Variants in ZFYVE28 observed in about 807,000 individuals in gnomAD.
The protein encoded by ZFYVE28 is lateral signaling target protein 2 homolog.
Under a neutral mutation model 82.1 loss-of-function variants are expected in ZFYVE28, and 40 were observed. The ratio of observed to expected loss-of-function variants is 0.49; its 90% confidence interval spans 0.38 to 0.63. ZFYVE28 has a LOEUF of 0.63. Among genes scored for constraint, ZFYVE28 ranks in the 30% least tolerant of loss-of-function variants. The pLI, the probability that ZFYVE28 is intolerant of heterozygous loss-of-function variation, is 0.00. For synonymous variants in ZFYVE28, 612 were observed against 546.1 expected (o/e 1.12, Z -1.68); for missense variants, 1,321 against 1,242.1 (o/e 1.06, Z -0.96).
chr4:2,400,068 C>T (rs1320690268), intron 1 of ZFYVE28, among the ~76,000 whole-genome samples: 1 of 152,234 alleles, frequency 6.6e-6, no homozygotes, highest in Admixed American at 6.5e-5. Flanking sequence ...AGGGTCCTTC[C>T]CCGGAGCTCC....
intron 1 of ZFYVE28, among the ~76,000 whole-genome samples, chr4:2,366,953 T>C (rs925735408): frequency 1.3e-5 from 2 of 152,234 alleles, no homozygotes; most frequent in Non-Finnish European, 2.9e-5. Context: ...GGGAGATAAT[T>C]GCAAATCTAG....
chr4:2,312,726 C>CAAAAAA (rs1170479977), intron 7 of ZFYVE28, among the ~76,000 whole-genome samples: 7 of 64,928 alleles, frequency 1.1e-4, no homozygotes, highest in African/African-American at 1.3e-4. Context: ...GACTCTGCCT[C>CAAAAAA]AAAAAAAAAA....
chr4:2,299,459 A>G (rs1715151346), intron 8 of ZFYVE28, among the ~76,000 whole-genome samples: 1 of 150,158 alleles, frequency 6.7e-6, no homozygotes, highest in East Asian at 2.0e-4. Context: ...CCAATTCTAA[A>G]GAAATAATCC....
chr4:2,328,897 A>C (rs894266794), intron 6 of ZFYVE28: 2 of 404,428 alleles, frequency 4.9e-6, no homozygotes, highest in Non-Finnish European at 8.8e-6. Context: ...TTCCTTATTG[A>C]ATGATCTTGG....
intron 6 of ZFYVE28, among the ~76,000 whole-genome samples, chr4:2,323,663 A>G (rs1357507234): frequency 6.6e-6 from 1 of 150,892 alleles, no homozygotes; most frequent in Non-Finnish European, 1.5e-5. Flanking sequence ...ATCTAGCATT[A>G]GGTATATCTC....
At chr4:2,294,096 AG>A (rs1714180142) in intron 8 of ZFYVE28, among the ~76,000 whole-genome samples, 1 of 151,260 alleles carries the variant, frequency 6.6e-6, no homozygotes, top group Non-Finnish European at 1.5e-5. Context: ...TTTTGGTAAA[AG>A]TTGACAACCC....
At position 2,397,658 on chromosome 4, in the gene ZFYVE28, G is replaced by A. The variant is rs183528318; in HGVS notation, c.39+20627C>T. ...ATCATGCCTCTAGGGACCTCACGTC[G>A]GTGGAATCAGACAATATTAGTCCTT... On this transcript the variant is annotated intron_variant, in intron 1 of 12. Transcript: ENST00000290974. 3.4e-3 allele frequency among the ~76,000 whole-genome samples: 515 copies of A among 152,052 alleles called. 7 individuals are homozygous for A. The highest frequency in any genetic ancestry group is 0.011 in the African/African-American group (454 of 41,442).
chr4:2,393,732 C>T (rs1040591572), intron 1 of ZFYVE28, among the ~76,000 whole-genome samples: 8 of 152,248 alleles, frequency 5.3e-5, no homozygotes, highest in Non-Finnish European at 8.8e-5. Flanking sequence ...CCCCTCCTCC[C>T]GTAACTGGAC....
At chr4:2,292,303 C>T (rs149030454) in intron 8 of ZFYVE28, among the ~76,000 whole-genome samples, 3 of 152,336 alleles carry the variant, frequency 2.0e-5, no homozygotes, top group East Asian at 3.9e-4. Context: ...CCTACATCTT[C>T]GTCCAGGCAG....
At chr4:2,317,944 T>A (rs1407818493) in intron 7 of ZFYVE28, among the ~76,000 whole-genome samples, 1 of 152,154 alleles carries the variant, frequency 6.6e-6, no homozygotes, top group African/African-American at 2.4e-5. Flanking sequence ...AAGGCATGCT[T>A]TTGTTCCTAA....
rs1485699646 is a variant in ZFYVE28, at chr4:2,367,646, G to A, written c.40-13573C>T. Among the ~76,000 whole-genome samples, 14 of 152,358 alleles carry A rather than the reference G, an allele frequency of 9.2e-5. No homozygotes were observed. The South Asian group carries it at 1.9e-3, about 20-fold the overall frequency. ...CACCCAGACAGGGGTCCAAGGTTGTGGGCCAAGAGAACCCCACAGTGGGCA... is the reference window on the plus strand; with the variant it reads ...CACCCAGACAGGGGTCCAAGGTTGTAGGCCAAGAGAACCCCACAGTGGGCA... On this transcript the variant is annotated intron_variant, in intron 1 of 12. Transcript: ENST00000290974.
At chr4:2,395,463 A>G (rs775378425) in intron 1 of ZFYVE28, among the ~76,000 whole-genome samples, 1 of 152,142 alleles carries the variant, frequency 6.6e-6, no homozygotes, top group Non-Finnish European at 1.5e-5. Flanking sequence ...CTCCCCACAC[A>G]CAGGCACCAG....
Position 2,270,888 on chromosome 4 carries a change from G to A in ZFYVE28, c.2533-32C>T, listed in dbSNP as rs564673215. On this transcript the variant is annotated intron_variant, in intron 12 of 12. Transcript: ENST00000290974. ...TGGGGTTGGGGCAGTGAGGGTCTGCGGCAGACCAGCCCCACCCACCCTGGC... is the reference window on the plus strand; with the variant it reads ...TGGGGTTGGGGCAGTGAGGGTCTGCAGCAGACCAGCCCCACCCACCCTGGC... The A allele has an allele frequency of 1.9e-5, 30 of 1,607,656 alleles. 1 individual carries two copies. Among genetic ancestry groups the A allele is most frequent in the African/African-American group, 9.3e-5 (7 of 74,958 alleles).
At chr4:2,411,240 T>C (rs4974691) in intron 1 of ZFYVE28, among the ~76,000 whole-genome samples, 93,593 of 138,962 alleles carry the variant, frequency 0.67, 30,162 homozygotes, top group East Asian at 0.88. Flanking sequence ...ACTTGATGTG[T>C]CCCCTACACC....
chr4:2,310,801 T>A (rs1717367623), intron 7 of ZFYVE28, among the ~76,000 whole-genome samples: 1 of 152,174 alleles, frequency 6.6e-6, no homozygotes, highest in Non-Finnish European at 1.5e-5. Flanking sequence ...GAGAGTTTGT[T>A]CAATAATTAT....
At position 2,417,377 on chromosome 4, in the gene ZFYVE28, G is replaced by T. The variant is rs1372419828; in HGVS notation, c.39+908C>A. On this transcript the variant is annotated intron_variant, in intron 1 of 12. Coordinates refer to ENST00000290974, the MANE Select transcript of ZFYVE28 (RefSeq NM_020972.3). The surrounding 1 kb of genome is among the most constrained non-coding windows in gnomAD (Gnocchi z 4.8). ...CCCGGCCCTGCTCCGGCTGCAGCGG[G>T]CACGAGCCCCAGGCGGGCGGCGGGG... Among the ~76,000 whole-genome samples the T allele has an allele frequency of 6.6e-6, 1 of 151,396 alleles. No homozygotes were observed.
intron 7 of ZFYVE28, among the ~76,000 whole-genome samples, chr4:2,316,993 T>TG (rs1401393369): frequency 6.8e-6 from 1 of 147,674 alleles, no homozygotes; most frequent in Non-Finnish European, 1.5e-5. Context: ...CTTTAACTTT[T>TG]TTTTTTTTTT....
intron 1 of ZFYVE28, among the ~76,000 whole-genome samples, chr4:2,385,004 A>G (rs1406191598): frequency 6.6e-6 from 1 of 152,216 alleles, no homozygotes; most frequent in Non-Finnish European, 1.5e-5. Flanking sequence ...GGAGTGCAGC[A>G]AAGTGATAAA....
At position 2,385,961 on chromosome 4, in the gene ZFYVE28, C is replaced by T. The variant is rs188741343; in HGVS notation, c.40-31888G>A. ...TCCCCTACAAGCACTGCACCGGGCT[C>T]GCTCTCATCCCAGGGCAGAGCCAGC... On this transcript the variant is annotated intron_variant, in intron 1 of 12. Transcript: ENST00000290974. 2.4e-4 allele frequency among the ~76,000 whole-genome samples: 37 copies of T among 152,338 alleles called. No individual in the cohort carries two copies. The East Asian group carries it at 6.2e-3, about 25-fold the overall frequency.
Sources: gnomAD v4.1 joint callset for allele counts (sites outside exome capture counted in the v4.1 genomes callset) on GRCh38, gnomAD v4.1.1 for gene constraint, Gnocchi (gnomAD v3.1) non-coding constraint, MANE v1.5 for transcripts, NCBI Gene and HGNC (gene_info 2026-07-23, HGNC 2026-07-21) for gene names.